The following PPARGC1B variants were observed in gnomAD, a reference collection of about 807,000 sequenced individuals.
The protein encoded by PPARGC1B is peroxisome proliferator-activated receptor gamma coactivator 1-beta.
PPARGC1B carries 34 observed loss-of-function variants against 101.6 expected under a neutral mutation model. That is an observed-to-expected ratio of 0.33 (90% confidence interval 0.25 to 0.45). The LOEUF (loss-of-function observed/expected upper bound fraction) is 0.45. Among genes scored for constraint, PPARGC1B ranks in the 20% least tolerant of loss-of-function variants. PPARGC1B has a pLI of 1.00. For missense variants in PPARGC1B, 1,234 were observed against 1,317.6 expected (o/e 0.94, Z 0.98); for synonymous variants, 548 against 539.3 (o/e 1.02, Z -0.22).
At chr5:149,830,416 T>C (rs1452755354) in intron 3 of PPARGC1B, among the ~76,000 whole-genome samples, 2 of 152,134 alleles carry the variant, frequency 1.3e-5, no homozygotes, top group Admixed American at 1.3e-4. Context: ...TGTGTGTGTG[T>C]GCACTCAGAA....
At chr5:149,774,123 T>C (rs958923236) in intron 1 of PPARGC1B, among the ~76,000 whole-genome samples, 1 of 152,252 alleles carries the variant, frequency 6.6e-6, no homozygotes, top group African/African-American at 2.4e-5. Flanking sequence ...TGAATTCCCT[T>C]TGGGGAGAGG....
intron 1 of PPARGC1B, among the ~76,000 whole-genome samples, chr5:149,782,111 A>C (rs896120596): frequency 6.6e-6 from 1 of 151,938 alleles, no homozygotes; most frequent in African/African-American, 2.4e-5. Context: ...GGAGATTAAG[A>C]GAAGAAAAGG....
At chr5:149,822,812 A>C (rs1416011994) in intron 2 of PPARGC1B, among the ~76,000 whole-genome samples, 1 of 152,222 alleles carries the variant, frequency 6.6e-6, no homozygotes, top group East Asian at 1.9e-4. Flanking sequence ...TGTTGAATGA[A>C]GGAACTGATT....
chr5:149,835,529 A>G (rs1206040008), intron 7 of PPARGC1B, among the ~76,000 whole-genome samples, 164 bp downstream of exon 7: 1 of 152,246 alleles, frequency 6.6e-6, no homozygotes, highest in Non-Finnish European at 1.5e-5. Flanking sequence ...CAGAAAAGGA[A>G]GATCATTACA....
At chr5:149,855,567 TAGAG>T (rs1399116180), downstream of PPARGC1B, among the ~76,000 whole-genome samples, 13 of 152,104 alleles carry the variant, frequency 8.5e-5, no homozygotes, top group Non-Finnish European at 1.8e-4. Flanking sequence ...GAGGATCTCA[TAGAG>T]AGCAGGCCTG....
At chr5:149,747,274 A>G (rs570127387) in intron 1 of PPARGC1B, among the ~76,000 whole-genome samples, 6 of 152,190 alleles carry the variant, frequency 3.9e-5, no homozygotes, top group African/African-American at 1.2e-4. Flanking sequence ...TAATGTTTAT[A>G]TATGGTGTAA....
rs1759738452 is a variant in PPARGC1B, at chr5:149,850,854, C to T, written c.*3296C>T. ...AGTGGAATTCTTCCATCTCCTTCCTCAGTCTGTACAAGGCTGAATCAGAAT... is the reference window on the plus strand; with the variant it reads ...AGTGGAATTCTTCCATCTCCTTCCTTAGTCTGTACAAGGCTGAATCAGAAT... On this transcript the variant is annotated 3_prime_UTR_variant, in exon 12 of 12. Transcript: ENST00000309241. 1 of 152,096 alleles carries T rather than the reference C, an allele frequency of 6.6e-6. No individual in the cohort carries two copies. Among genetic ancestry groups the T allele is most frequent in the Admixed American group, 6.6e-5 (1 of 15,260 alleles). 9.4% of individuals were successfully genotyped at this position (152,096 alleles called of 1,614,324 possible). A position where few individuals can be genotyped will look rare whatever the true frequency, so the allele number is the denominator to read the frequency against.
At chr5:149,739,647 A>C (rs1754842026) in intron 1 of PPARGC1B, among the ~76,000 whole-genome samples, 1 of 150,908 alleles carries the variant, frequency 6.6e-6, no homozygotes, top group African/African-American at 2.4e-5. Context: ...GGGGAGGGCC[A>C]GGGTGGGTAG....
chr5:149,803,618 A>G (rs1163520656), intron 1 of PPARGC1B, among the ~76,000 whole-genome samples: 1 of 152,130 alleles, frequency 6.6e-6, no homozygotes, highest in Non-Finnish European at 1.5e-5. Context: ...GTGGCAATCA[A>G]GCATCTGATT....
At chr5:149,806,435 G>A (rs1757602335) in intron 1 of PPARGC1B, among the ~76,000 whole-genome samples, 1 of 152,110 alleles carries the variant, frequency 6.6e-6, no homozygotes, top group Non-Finnish European at 1.5e-5. Context: ...TTATAACAGT[G>A]TTTACAAGAA....
In PPARGC1B at chr5:149,833,699, C is replaced by A; in HGVS notation, c.1626C>A (p.Ile542=). 6.2e-7 allele frequency: 1 copy of A among 1,607,230 alleles called. No individual in the cohort carries two copies. The highest frequency in any genetic ancestry group is 8.5e-7 in the Non-Finnish European group (1 of 1,178,060). ...QDQQLLRGPQ[I]PALESPCESG... ...AGCAGCTCCTACGGGGACCCCAGAT[C>A]CCTGCCCTGGAGAGCCCCTGTGAGA... The change falls in exon 5 of 12, where the codon ATC becomes ATA. Residue 542 remains isoleucine, a synonymous_variant. Coordinates refer to ENST00000309241, the MANE Select transcript of PPARGC1B (RefSeq NM_133263.4). This position sits in a 1 kb window ranked among gnomAD's most constrained non-coding sequence, Gnocchi z 4.1.
chr5:149,800,487 T>C (rs954034047), intron 1 of PPARGC1B, among the ~76,000 whole-genome samples: 6 of 152,300 alleles, frequency 3.9e-5, no homozygotes, highest in African/African-American at 1.4e-4. Context: ...AGATCTGGGG[T>C]TGAATCCCAG....
intron 1 of PPARGC1B, among the ~76,000 whole-genome samples, chr5:149,784,032 C>G (rs1452315801): frequency 6.6e-6 from 1 of 152,066 alleles, no homozygotes; most frequent in Non-Finnish European, 1.5e-5. Flanking sequence ...CTGCCTGTGG[C>G]TGACCGCACT....
At chr5:149,768,714 C>A (rs1275083792) in intron 1 of PPARGC1B, among the ~76,000 whole-genome samples, 1 of 151,962 alleles carries the variant, frequency 6.6e-6, no homozygotes, top group Non-Finnish European at 1.5e-5. Flanking sequence ...TGGGGTTTCA[C>A]CATGTTGGCC....
At chr5:149,765,098 G>C (rs1402573600) in intron 1 of PPARGC1B, among the ~76,000 whole-genome samples, 1 of 152,048 alleles carries the variant, frequency 6.6e-6, no homozygotes, top group Non-Finnish European at 1.5e-5. Flanking sequence ...TTCTTCTCAA[G>C]AATAGTGCAG....
chr5:149,748,163 A>G (rs1755154688), intron 1 of PPARGC1B, among the ~76,000 whole-genome samples: 1 of 152,174 alleles, frequency 6.6e-6, no homozygotes, highest in South Asian at 2.1e-4. Flanking sequence ...GAGGCACACG[A>G]GAACAGTGAA....
At chr5:149,743,894 C>T (rs2113095597) in intron 1 of PPARGC1B, among the ~76,000 whole-genome samples, 1 of 152,330 alleles carries the variant, frequency 6.6e-6, no homozygotes, top group Non-Finnish European at 1.5e-5. Flanking sequence ...GGGCATGGCT[C>T]TGCCTCAACT....
intron 10 of PPARGC1B, among the ~76,000 whole-genome samples, chr5:149,843,328 A>G (rs903435651): frequency 1.3e-5 from 2 of 152,224 alleles, no homozygotes; most frequent in African/African-American, 2.4e-5. Context: ...TTTCTAAATT[A>G]TCTCCTATTA....
At chr5:149,756,889 C>T (rs192778931) in intron 1 of PPARGC1B, among the ~76,000 whole-genome samples, 107 of 152,248 alleles carry the variant, frequency 7.0e-4, no homozygotes, top group Middle Eastern at 3.4e-3. Context: ...TTCTGGACCC[C>T]TAGGACTGGA....
Sources: gnomAD v4.1 joint callset for allele counts (sites outside exome capture counted in the v4.1 genomes callset) on GRCh38, gnomAD v4.1.1 for gene constraint, Gnocchi (gnomAD v3.1) non-coding constraint, MANE v1.5 for transcripts, NCBI Gene and HGNC (gene_info 2026-07-23, HGNC 2026-07-21) for gene names.